Variants in INTS6 observed in about 807,000 individuals in gnomAD.
INTS6 encodes integrator complex subunit 6.
INTS6 carries 16 observed loss-of-function variants against 104.9 expected under a neutral mutation model. The observed-to-expected ratio is 0.15, with a 90% CI of 0.10 to 0.23. The LOEUF (loss-of-function observed/expected upper bound fraction) is 0.23, where lower values mean the gene tolerates loss of function less well. Among genes scored for constraint, INTS6 ranks in the 10% least tolerant of loss-of-function variants. The pLI is 1.00. For missense variants in INTS6, 584 were observed against 1,062.8 expected (o/e 0.55, Z 6.26); for synonymous variants, 324 against 358.7 (o/e 0.90, Z 1.09).
downstream of INTS6, among the ~76,000 whole-genome samples, chr13:51,352,673 G>A (rs1288936501): frequency 6.6e-6 from 1 of 151,986 alleles, no homozygotes; most frequent in Non-Finnish European, 1.5e-5. Context: ...CTGATCTTAG[G>A]GGGAAAGTTT....
chr13:51,378,523 G>C (rs1955980297), intron 11 of INTS6, 69 bp from the exon 12 acceptor site: 2 of 885,544 alleles, frequency 2.3e-6, no homozygotes, highest in Non-Finnish European at 3.3e-6. Context: ...TAATGGTTAT[G>C]ATCTTCTATA....
intron 4 of INTS6, among the ~76,000 whole-genome samples, chr13:51,398,081 C>T (rs890057073): frequency 3.3e-5 from 5 of 152,006 alleles, no homozygotes; most frequent in African/African-American, 9.7e-5. Flanking sequence ...AAATCACCAC[C>T]AACCTCCCAA....
intron 4 of INTS6, among the ~76,000 whole-genome samples, chr13:51,429,785 A>AAAAAAAAAATATATATAT (rs1156333077): frequency 3.2e-5 from 3 of 92,358 alleles, no homozygotes; most frequent in African/African-American, 9.2e-5. Context: ...AAAAAAAAAA[A>AAAAAAAAAATATATATAT]ATATATATAT....
chr13:51,447,559 G>A (rs535614527), intron 3 of INTS6: 1 of 151,830 alleles, frequency 6.6e-6, no homozygotes, highest in Non-Finnish European at 1.5e-5. Flanking sequence ...ATCTGTCAAG[G>A]ATTGTCTTCA....
At chr13:51,421,833 T>A (rs1477033889) in intron 4 of INTS6, among the ~76,000 whole-genome samples, 1 of 152,114 alleles carries the variant, frequency 6.6e-6, no homozygotes, top group Non-Finnish European at 1.5e-5. Context: ...TCTGACTTAC[T>A]TGACACCAGT....
chr13:51,374,583 T>C lies in INTS6; in HGVS notation c.1872+71A>G, dbSNP rs760908777. 2.2e-5 allele frequency: 34 copies of C among 1,573,358 alleles called. No homozygotes were observed. In the Middle Eastern group the frequency reaches 5.3e-4, roughly 25 times the overall value. ...GGAAAATAGCTTCAGCTTACTTCAG[T>C]TAAATTAAGAACTATAAAACTGACA... On this transcript the variant is annotated intron_variant, in intron 14 of 17. Coordinates refer to ENST00000311234, the MANE Select transcript of INTS6 (RefSeq NM_012141.3).
intron 4 of INTS6, among the ~76,000 whole-genome samples, chr13:51,396,529 A>G (rs1195224630): frequency 1.3e-5 from 2 of 152,218 alleles, no homozygotes; most frequent in Non-Finnish European, 2.9e-5. Flanking sequence ...TCATCTCAGT[A>G]TCACTCAATG....
At chr13:51,439,786 G>A (rs887624952) in intron 3 of INTS6, 6 of 152,164 alleles carry the variant, frequency 3.9e-5, no homozygotes, top group Non-Finnish European at 5.9e-5. Flanking sequence ...CATGATGGAT[G>A]TACAGTAAGA....
At chr13:51,380,960 G>C (rs1956036704) in intron 10 of INTS6, among the ~76,000 whole-genome samples, 2 of 152,058 alleles carry the variant, frequency 1.3e-5, no homozygotes, top group South Asian at 4.1e-4. Flanking sequence ...ACATATCTAT[G>C]GATTCCGTAT....
At chr13:51,401,897 A>C (rs527376544) in intron 4 of INTS6, among the ~76,000 whole-genome samples, 1 of 152,284 alleles carries the variant, frequency 6.6e-6, no homozygotes, top group Admixed American at 6.5e-5. Flanking sequence ...ATTAATATTA[A>C]AAAAACTAAT....
rs1306270716 is a variant in INTS6 at position 51,368,927 on chromosome 13, T to C, written c.2476+12A>G. 6.4e-7 allele frequency: 1 copy of C among 1,562,532 alleles called. No individual in the cohort carries two copies. The highest frequency in any genetic ancestry group is 8.6e-7 in the Non-Finnish European group (1 of 1,156,890). ...GAAATCAGATCTGAGGTTCGTCTCT[T>C]ATTATACATACTTCTTCCTGGCTTT... is the stretch of plus-strand genomic sequence containing the variant. On this transcript the variant is annotated intron_variant, in intron 16 of 17. Transcript: ENST00000311234.
chr13:51,395,387 G>T lies in INTS6; in HGVS notation c.526C>A (p.Pro176Thr). Reference protein sequence around the residue: ...QRLFALVLRLPGTMSVESEQL... With the variant: ...QRLFALVLRLTGTMSVESEQL... The stretch of plus-strand genomic sequence containing the variant: ...TCTGATTCTACTGACATGGTGCCAG[G>T]CAACCGCAACACTAATGCAAAGAGT... The change falls in exon 5 of 18, where the codon CCT becomes ACT. Residue 176 changes from proline to threonine, a missense_variant. Physicochemically the swap from Pro to Thr is conservative, Grantham distance 38. Around this residue, in one of 5 missense-constraint regions of INTS6, gnomAD observed 144 missense variants for 348.7 expected, o/e 0.41. Coordinates refer to ENST00000311234, the MANE Select transcript of INTS6 (RefSeq NM_012141.3). 1 of 1,613,964 alleles carries T rather than the reference G, an allele frequency of 6.2e-7. No individual in the cohort carries two copies. The highest frequency in any genetic ancestry group is 8.5e-7 in the Non-Finnish European group (1 of 1,179,922).
chr13:51,411,190 G>T (rs190962456), intron 4 of INTS6, among the ~76,000 whole-genome samples: 1,741 of 151,506 alleles, frequency 0.011, 33 homozygotes, highest in African/African-American at 0.04. Context: ...TCCAGCCCGG[G>T]TGACAGAGTG....
chr13:51,377,453 T>C (rs1955956609), intron 12 of INTS6, among the ~76,000 whole-genome samples: 1 of 152,176 alleles, frequency 6.6e-6, no homozygotes, highest in South Asian at 2.1e-4. Context: ...TGTTTTCTTC[T>C]AGAAGTTTAT....
intron 2 of INTS6, among the ~76,000 whole-genome samples, 157 bp downstream of exon 2, chr13:51,451,821 G>T (rs1199872047): frequency 6.6e-6 from 1 of 150,448 alleles, no homozygotes; most frequent in Non-Finnish European, 1.5e-5. Flanking sequence ...CCGAGCGGGG[G>T]AGGGGGTGGG....
chr13:51,407,999 A>T (rs1378328536), intron 4 of INTS6, among the ~76,000 whole-genome samples: 2 of 150,576 alleles, frequency 1.3e-5, no homozygotes, highest in Admixed American at 1.3e-4. Context: ...CCTGGGCAAC[A>T]GAGTGAGACT....
At chr13:51,371,186 C>CT (rs1955795422) in intron 15 of INTS6, among the ~76,000 whole-genome samples, 2 of 152,190 alleles carry the variant, frequency 1.3e-5, no homozygotes, top group Admixed American at 1.3e-4. Context: ...ATATTCAAGT[C>CT]TGAGAAGTGC....
At chr13:51,347,154 C>A in the INTS6 span, 1 of 1,613,996 alleles carries the variant, frequency 6.2e-7, no homozygotes, top group Admixed American at 1.7e-5. Flanking sequence ...TCCACAGACA[C>A]ACAGATCCTG....
intron 3 of INTS6, chr13:51,439,632 C>T (rs1031006500): frequency 6.6e-6 from 1 of 152,160 alleles, no homozygotes; most frequent in Non-Finnish European, 1.5e-5. Flanking sequence ...CCCCTAAACC[C>T]CCATCCCAAC....
Sources: allele counts gnomAD v4.1 joint callset (sites outside exome capture counted in the v4.1 genomes callset), GRCh38; gene constraint gnomAD v4.1.1; regional missense constraint gnomAD v4.1.1; transcripts MANE v1.5; gene names NCBI Gene and HGNC (gene_info 2026-07-23, HGNC 2026-07-21).